PLEKHG7: variants seen among roughly 807,000 people sequenced by gnomAD.
The protein encoded by PLEKHG7 is pleckstrin homology and RhoGEF domain containing G7, also known as pleckstrin homology domain-containing family G member 7.
A neutral mutation model predicts 85.2 loss-of-function variants in PLEKHG7; 77 were observed. The observed-to-expected ratio is 0.90, with a 90% CI of 0.75 to 1.09. PLEKHG7 has a LOEUF of 1.09. Among genes scored for constraint, PLEKHG7 ranks in the 50% least tolerant of loss-of-function variants. The pLI is 0.00. For synonymous variants in PLEKHG7, 301 were observed against 302.4 expected (o/e 1.00, Z 0.05); for missense variants, 777 against 804.3 (o/e 0.97, Z 0.41).
At chr12:92,712,030 C>T (rs1403177647) in intron 3 of PLEKHG7, among the ~76,000 whole-genome samples, 1 of 152,136 alleles carries the variant, frequency 6.6e-6, no homozygotes, top group Non-Finnish European at 1.5e-5. Context: ...TTGAAAGGTC[C>T]CACACCACTG....
rs147620803 is a variant in PLEKHG7 at position 92,707,509 on chromosome 12, T to C, written c.508-141T>C. ...ATTTAAAAGGGGAGAAAGAGCCAGT[T>C]ATTCAAATTTCCAATCCCACCAAAA... On this transcript the variant is annotated intron_variant, in intron 2 of 16. Coordinates refer to ENST00000344636, the MANE Select transcript of PLEKHG7 (RefSeq NM_001377329.1). 1.8e-4 allele frequency: 258 copies of C among 1,470,104 alleles called. 1 individual carries two copies. In the African/African-American group the frequency reaches 3.3e-3, roughly 19 times the overall value. 91.1% of individuals were successfully genotyped at this position (1,470,104 alleles called of 1,614,324 possible). A position where few individuals can be genotyped will look rare whatever the true frequency, so the allele number is the denominator to read the frequency against.
At chr12:92,749,853 A>G (rs1872635752) in intron 10 of PLEKHG7, 1 of 148,554 alleles carries the variant, frequency 6.7e-6, no homozygotes, top group Non-Finnish European at 1.5e-5. Context: ...ATTTATTAGG[A>G]TATTTTATTT....
In PLEKHG7 at chr12:92,771,403, G is replaced by A. The variant is rs1485677510; in HGVS notation, c.*1208G>A. On this transcript the variant is annotated 3_prime_UTR_variant, in exon 17 of 17. Transcript: ENST00000344636. ...AAACAAAGCAGTAAAGACAAGTGCA[G>A]CAGAAAGGCTTTTGTACAAGGCAAG... 6.6e-6 allele frequency: 1 copy of A among 152,040 alleles called. No individual in the cohort carries two copies. The allele number at this position is 152,040 out of a possible 1,614,324, so 9.4% of individuals were successfully genotyped here. A position where few individuals can be genotyped will look rare whatever the true frequency, so the allele number is the denominator to read the frequency against.
chr12:92,744,177 C>T (rs1011688439), intron 9 of PLEKHG7, among the ~76,000 whole-genome samples: 2 of 152,222 alleles, frequency 1.3e-5, no homozygotes, highest in African/African-American at 2.4e-5. Context: ...GCTTTCTCTA[C>T]TCACGAGTAA....
At chr12:92,707,790 TA>T (rs1871281347) in intron 3 of PLEKHG7, 118 bp downstream of exon 3, 1 of 1,546,934 alleles carries the variant, frequency 6.5e-7, no homozygotes, top group Non-Finnish European at 8.8e-7. Context: ...CACTTTGTTT[TA>T]TAGCACTCAA....
chr12:92,738,223 G>T (rs1872237635), intron 7 of PLEKHG7, among the ~76,000 whole-genome samples: 1 of 152,130 alleles, frequency 6.6e-6, no homozygotes. Flanking sequence ...GCCATGCTCT[G>T]GTGAGGCTCA....
chr12:92,752,548 G>A (rs1481922512), intron 10 of PLEKHG7, among the ~76,000 whole-genome samples: 5 of 152,292 alleles, frequency 3.3e-5, no homozygotes, highest in South Asian at 2.1e-4. Flanking sequence ...GGACTGACAC[G>A]TGGGCTTGAA....
intron 10 of PLEKHG7, among the ~76,000 whole-genome samples, chr12:92,749,935 ATTTTATAT>A (rs1196344539): frequency 9.7e-6 from 1 of 102,926 alleles, no homozygotes; most frequent in African/African-American, 3.7e-5. Flanking sequence ...TATTTATTTT[ATTTTATAT>A]TTTATTTTAT....
chr12:92,760,729 C>T (rs1336121467), intron 13 of PLEKHG7, among the ~76,000 whole-genome samples: 4 of 152,076 alleles, frequency 2.6e-5, no homozygotes, highest in Non-Finnish European at 5.9e-5. Context: ...CTACTATTCC[C>T]TTCTTAGGGA....
chr12:92,732,912 A>G (rs1485999038), intron 5 of PLEKHG7, among the ~76,000 whole-genome samples: 1 of 152,040 alleles, frequency 6.6e-6, no homozygotes. Context: ...AGGGGGAGAA[A>G]AGGGACTGAT....
rs1198741376 is a variant in PLEKHG7, at chr12:92,732,815, A to C, written c.699+542A>C. Among the ~76,000 whole-genome samples the C allele has an allele frequency of 3.3e-5, 5 of 152,262 alleles. No individual in the cohort carries two copies. The East Asian group carries it at 5.8e-4, about 18-fold the overall frequency. ...CCCTGAGACTTTACTGCCTAAGACAAGGGTGGCCACAGTCAAGCCGTTCCT... is the reference window on the plus strand; with the variant it reads ...CCCTGAGACTTTACTGCCTAAGACACGGGTGGCCACAGTCAAGCCGTTCCT... On this transcript the variant is annotated intron_variant, in intron 5 of 16. Transcript: ENST00000344636.
intron 3 of PLEKHG7, among the ~76,000 whole-genome samples, chr12:92,721,053 TAAG>T (rs1871626056): frequency 6.6e-6 from 1 of 152,212 alleles, no homozygotes; most frequent in African/African-American, 2.4e-5. Flanking sequence ...TGGTCTAAAA[TAAG>T]AACAGTAATA....
intron 1 of PLEKHG7, among the ~76,000 whole-genome samples, 192 bp downstream of exon 1, chr12:92,703,324 G>T (rs568536733): frequency 7.9e-5 from 12 of 152,300 alleles, no homozygotes; most frequent in Non-Finnish European, 1.5e-4. Context: ...GTGTTTGCTG[G>T]ATTCTCAAAG....
At chr12:92,706,315 T>C (rs903965935) in intron 1 of PLEKHG7, among the ~76,000 whole-genome samples, 156 bp from the exon 2 acceptor site, 4 of 152,322 alleles carry the variant, frequency 2.6e-5, no homozygotes, top group Non-Finnish European at 4.4e-5. Context: ...GAGTCACGTA[T>C]ATTAATTATC....
intron 13 of PLEKHG7, among the ~76,000 whole-genome samples, chr12:92,760,330 T>A (rs1361890851): frequency 6.6e-6 from 1 of 152,160 alleles, no homozygotes; most frequent in Non-Finnish European, 1.5e-5. Flanking sequence ...TTTAATATGA[T>A]TTTTAAAAAA....
At chr12:92,721,271 C>T (rs947036997) in intron 3 of PLEKHG7, among the ~76,000 whole-genome samples, 3 of 152,170 alleles carry the variant, frequency 2.0e-5, no homozygotes, top group Non-Finnish European at 2.9e-5. Context: ...ACATTTCTGG[C>T]ACCAGCACGT....
intron 10 of PLEKHG7, among the ~76,000 whole-genome samples, chr12:92,751,743 C>G (rs1388873259): frequency 6.6e-6 from 1 of 151,990 alleles, no homozygotes; most frequent in Non-Finnish European, 1.5e-5. Context: ...TCCAGCTGAG[C>G]CAGGTACTAT....
Position 92,707,112 on chromosome 12 carries a change from C to T in PLEKHG7, c.481C>T (p.Pro161Ser). ...GCAAGAAGGCCACTTCCTGCCCAGC[C>T]CCACCCTACGACACCCTAGTCCTCA... ...RQQEGHFLPSPTLRHPSPQGE... is the reference protein window; with the variant it reads ...RQQEGHFLPSSTLRHPSPQGE... Residue 161 changes from proline (P) to serine (S), a missense_variant, in exon 2 of 17, where the codon CCC becomes TCC. Physicochemically the swap from Pro to Ser is moderately conservative, Grantham distance 74. This residue lies in a region of PLEKHG7 where 252 missense variants were observed against 241.9 expected (regional missense o/e 1.04). Transcript: ENST00000344636. 1 of 1,613,836 alleles carries T rather than the reference C, an allele frequency of 6.2e-7. No individual in the cohort carries two copies. Among genetic ancestry groups the T allele is most frequent in the Non-Finnish European group, 8.5e-7 (1 of 1,179,886 alleles).
chr12:92,744,728 C>T (rs1016398291), intron 9 of PLEKHG7, among the ~76,000 whole-genome samples: 4 of 150,864 alleles, frequency 2.7e-5, no homozygotes, highest in East Asian at 1.9e-4. Context: ...TGCAATGGCG[C>T]GATCTCAGCT....
Sources: allele counts gnomAD v4.1 joint callset (sites outside exome capture counted in the v4.1 genomes callset), GRCh38; gene constraint gnomAD v4.1.1; regional missense constraint gnomAD v4.1.1; transcripts MANE v1.5; gene names NCBI Gene and HGNC (gene_info 2026-07-23, HGNC 2026-07-21).